AKAP6: variants seen among roughly 807,000 people sequenced by gnomAD.
AKAP6 encodes A-kinase anchor protein 6.
In AKAP6, 58 loss-of-function variants were observed where a neutral mutation model predicts 188.5. The observed-to-expected ratio is 0.31, with a 90% CI of 0.25 to 0.38. The LOEUF (loss-of-function observed/expected upper bound fraction) is 0.38, where lower values mean the gene tolerates loss of function less well. Ranked by LOEUF, AKAP6 falls within the 10% of genes least tolerant of loss-of-function variation. The pLI, the probability that AKAP6 is intolerant of heterozygous loss-of-function variation, is 1.00. For synonymous variants in AKAP6, 989 were observed against 998.6 expected (o/e 0.99, Z 0.18); for missense variants, 2,710 against 2,740.0 (o/e 0.99, Z 0.24).
At chr14:32,760,622 T>C (rs2032505016) in intron 11 of AKAP6, among the ~76,000 whole-genome samples, 1 of 152,206 alleles carries the variant, frequency 6.6e-6, no homozygotes, top group Non-Finnish European at 1.5e-5. Flanking sequence ...GTATTCAATC[T>C]TCTTTGAGAG....
intron 2 of AKAP6, among the ~76,000 whole-genome samples, chr14:32,485,726 A>T (rs1429407263): frequency 6.6e-6 from 1 of 152,096 alleles, no homozygotes; most frequent in Non-Finnish European, 1.5e-5. Context: ...CCTTTGTCAG[A>T]TGGATAGATT....
At chr14:32,481,836 T>G (rs115569929) in intron 2 of AKAP6, among the ~76,000 whole-genome samples, 2,122 of 152,314 alleles carry the variant, frequency 0.014, 43 homozygotes, top group African/African-American at 0.048. Flanking sequence ...CCACCCAATT[T>G]CTTTGCTCCT....
intron 12 of AKAP6, among the ~76,000 whole-genome samples, chr14:32,790,385 T>C (rs978809858): frequency 2.0e-5 from 3 of 151,986 alleles, no homozygotes; most frequent in African/African-American, 7.3e-5. Flanking sequence ...CAGTAAGATA[T>C]TCCATGAGAA....
chr14:32,501,701 A>C (rs1452678939), intron 2 of AKAP6, among the ~76,000 whole-genome samples: 1 of 152,176 alleles, frequency 6.6e-6, no homozygotes, highest in Non-Finnish European at 1.5e-5. Context: ...CACTCTTGTT[A>C]ATGAGAAAAT....
chr14:32,441,985 GAAC>G (rs1890590508), intron 2 of AKAP6, among the ~76,000 whole-genome samples: 2 of 152,272 alleles, frequency 1.3e-5, no homozygotes, highest in African/African-American at 4.8e-5. Context: ...AGCTCTCACT[GAAC>G]AACAATAGCT....
intron 1 of AKAP6, among the ~76,000 whole-genome samples, chr14:32,429,871 G>A (rs910196909): frequency 2.6e-5 from 4 of 152,130 alleles, no homozygotes; most frequent in Non-Finnish European, 5.9e-5. Context: ...CATATAGGAT[G>A]CACATCTTCT....
At chr14:32,593,510 G>A (rs926949560) in intron 5 of AKAP6, among the ~76,000 whole-genome samples, 1 of 152,128 alleles carries the variant, frequency 6.6e-6, no homozygotes, top group African/African-American at 2.4e-5. Flanking sequence ...AAAATAGAAG[G>A]GACACATCTG....
At chr14:32,807,577 TC>T (rs1207714684) in intron 12 of AKAP6, among the ~76,000 whole-genome samples, 3 of 152,188 alleles carry the variant, frequency 2.0e-5, no homozygotes, top group Admixed American at 6.5e-5. Flanking sequence ...GATGAGTTTT[TC>T]ACCAATTTTC....
At chr14:32,469,525 T>TC (rs201474309) in intron 2 of AKAP6, among the ~76,000 whole-genome samples, 2,414 of 152,276 alleles carry the variant, frequency 0.016, 77 homozygotes, top group African/African-American at 0.054. Flanking sequence ...GAAAGTGTAA[T>TC]AATAACTAAA....
intron 7 of AKAP6, among the ~76,000 whole-genome samples, chr14:32,656,398 AG>A (rs1888455764): frequency 6.6e-6 from 1 of 152,178 alleles, no homozygotes; most frequent in South Asian, 2.1e-4. Context: ...CACTGCCTGT[AG>A]TATGAGAAAT....
At chr14:32,343,466 C>T (rs1886957788) in intron 1 of AKAP6, among the ~76,000 whole-genome samples, 1 of 151,900 alleles carries the variant, frequency 6.6e-6, no homozygotes, top group Admixed American at 6.6e-5. Context: ...ACTCCAGCTG[C>T]CCTGCTTCCT....
intron 7 of AKAP6, among the ~76,000 whole-genome samples, chr14:32,675,218 A>G (rs963875670): frequency 6.6e-6 from 1 of 152,160 alleles, no homozygotes; most frequent in Non-Finnish European, 1.5e-5. Flanking sequence ...TGCTCTTCCT[A>G]TATTCCTACT....
At chr14:32,428,487 C>T (rs1890108223) in intron 1 of AKAP6, among the ~76,000 whole-genome samples, 1 of 152,094 alleles carries the variant, frequency 6.6e-6, no homozygotes, top group South Asian at 2.1e-4. Flanking sequence ...TATTGTTTGG[C>T]CACAAGAAGA....
intron 1 of AKAP6, among the ~76,000 whole-genome samples, chr14:32,390,674 T>C (rs910444660): frequency 1.3e-5 from 2 of 152,134 alleles, no homozygotes; most frequent in Non-Finnish European, 2.9e-5. Flanking sequence ...TACTGGGGGT[T>C]GTCTGCACAG....
chr14:32,617,795 T>A (rs1594785981), intron 7 of AKAP6, among the ~76,000 whole-genome samples: 1 of 152,206 alleles, frequency 6.6e-6, no homozygotes, highest in East Asian at 1.9e-4. Flanking sequence ...CCAGCTAATT[T>A]TTGTGTATTT....
rs141626245 is a variant in AKAP6, at chr14:32,813,423, C to T, written c.3589-7979C>T. Reference sequence around the variant, plus strand: ...CCCAACCCCTTTCCCAGAGGTCCTTCGGTGGAGCTGAAAGTTCCAGCCCTC... The same window carrying T: ...CCCAACCCCTTTCCCAGAGGTCCTTTGGTGGAGCTGAAAGTTCCAGCCCTC... On this transcript the variant is annotated intron_variant, in intron 12 of 13. Transcript: ENST00000280979. Among the ~76,000 whole-genome samples, 66 of 123,310 alleles carry T rather than the reference C, an allele frequency of 5.4e-4. 2 individuals carry two copies. In the East Asian group the frequency reaches 0.013, roughly 24 times the overall value. The allele number at this position is 123,310 out of a possible 152,430, so 80.9% of individuals were successfully genotyped here.
At chr14:32,344,569 G>A (rs1594522046) in intron 1 of AKAP6, among the ~76,000 whole-genome samples, 1 of 152,234 alleles carries the variant, frequency 6.6e-6, no homozygotes, top group East Asian at 1.9e-4. Flanking sequence ...ATAGATAAGG[G>A]CATTCCTGAG....
intron 7 of AKAP6, among the ~76,000 whole-genome samples, chr14:32,643,386 C>T (rs1887845708): frequency 6.6e-6 from 1 of 151,964 alleles, no homozygotes; most frequent in Non-Finnish European, 1.5e-5. Context: ...CGGCTCACTG[C>T]AACCTCTGCC....
At chr14:32,775,954 G>C (rs1017880152) in intron 12 of AKAP6, among the ~76,000 whole-genome samples, 1 of 152,234 alleles carries the variant, frequency 6.6e-6, no homozygotes. Context: ...GGAATGAAGA[G>C]AGTGGTCTAA....
Sources: gnomAD v4.1 joint callset for allele counts (sites outside exome capture counted in the v4.1 genomes callset) on GRCh38, gnomAD v4.1.1 for gene constraint, MANE v1.5 for transcripts, NCBI Gene and HGNC (gene_info 2026-07-23, HGNC 2026-07-21) for gene names.